The following GREB1 variants were observed in gnomAD, a reference collection of about 807,000 sequenced individuals.
GREB1 encodes protein GREB1.
In GREB1, 106 loss-of-function variants were observed where a neutral mutation model predicts 200.7. The observed-to-expected ratio is 0.53, with a 90% CI of 0.45 to 0.62. GREB1 has a LOEUF of 0.62. Ranked by LOEUF, GREB1 falls within the 20% of genes least tolerant of loss-of-function variation. The probability of loss-of-function intolerance (pLI) is 0.00; values close to 1 mark genes in which losing one functional copy is unlikely to be tolerated. For missense variants in GREB1, 2,243 were observed against 2,556.8 expected, an observed-to-expected ratio of 0.88 and a Z score of 2.65; for synonymous variants, 1,132 against 1,092.4, an observed-to-expected ratio of 1.04 and a Z score of -0.72.
At chr2:11,488,350 A>G (rs1672702892) in intron 1 of GREB1, among the ~76,000 whole-genome samples, 1 of 152,184 alleles carries the variant, frequency 6.6e-6, no homozygotes, top group South Asian at 2.1e-4. Flanking sequence ...AACCTCCTGG[A>G]AAGTGCGCAT....
chr2:11,512,346 A>G (rs1431070802), intron 1 of GREB1, among the ~76,000 whole-genome samples: 1 of 152,244 alleles, frequency 6.6e-6, no homozygotes, highest in Non-Finnish European at 1.5e-5. Context: ...CTGAAGTAGA[A>G]AATTTTTTTA....
chr2:11,634,564 A>T (rs912469293), intron 29 of GREB1, among the ~76,000 whole-genome samples: 20 of 152,222 alleles, frequency 1.3e-4, no homozygotes, highest in Non-Finnish European at 2.6e-4. Context: ...TGAGTGAGTT[A>T]TATTGGACTG....
At chr2:11,534,705 G>A (rs1572605528) in intron 1 of GREB1, among the ~76,000 whole-genome samples, 1 of 152,198 alleles carries the variant, frequency 6.6e-6, no homozygotes, top group South Asian at 2.1e-4. Flanking sequence ...GTCTTCCTGA[G>A]GATGGTAATT....
Position 11,631,901 on chromosome 2 carries a change from CT to C in GREB1, c.4612-5del. The C allele has an allele frequency of 6.2e-7, 1 of 1,607,698 alleles. No homozygotes were observed. Among genetic ancestry groups the C allele is most frequent in the Non-Finnish European group, 8.5e-7 (1 of 1,174,552 alleles). On this transcript the variant is annotated splice_region_variant and splice_polypyrimidine_tract_variant and intron_variant, in intron 26 of 32. Coordinates refer to ENST00000381486, the MANE Select transcript of GREB1 (RefSeq NM_014668.4). The stretch of plus-strand genomic sequence containing the variant: ...AACACTCTACCTCATGATACCTGTA[CT>C]TTGCAGAGCCATGAATATATAAAAA...
At chr2:11,486,475 G>A (rs1371304209) in intron 1 of GREB1, among the ~76,000 whole-genome samples, 2 of 151,942 alleles carry the variant, frequency 1.3e-5, no homozygotes, top group African/African-American at 2.4e-5. Context: ...AAAGCTAATT[G>A]CACTAAAAAG....
chr2:11,627,362 CA>C (rs754012256), intron 25 of GREB1, among the ~76,000 whole-genome samples: 1 of 152,172 alleles, frequency 6.6e-6, no homozygotes, highest in Non-Finnish European at 1.5e-5. Flanking sequence ...CTTTAGGTCC[CA>C]ATGCTTTCAG....
At position 11,632,068 on chromosome 2, in the gene GREB1, C is replaced by T; in HGVS notation, c.4771C>T (p.His1591Tyr). 1 of 1,614,044 alleles carries T rather than the reference C, an allele frequency of 6.2e-7. No individual in the cohort carries two copies. Among genetic ancestry groups the T allele is most frequent in the African/African-American group, 1.3e-5 (1 of 75,014 alleles). ...MAIYKKYWPN[H>Y]IMLVLPSIFN... ...AATTTATAAGAAATATTGGCCCAAC[C>T]ACATCATGCTGGTGCTCCCCAGTAT... Residue 1591 changes from histidine (H) to tyrosine (Y), a missense_variant, in exon 27 of 33, where the codon CAC becomes TAC. His to Tyr is a moderately conservative substitution (Grantham distance 83). This residue lies in a region of GREB1 where 478 missense variants were observed against 616.3 expected (regional missense o/e 0.78). Coordinates refer to ENST00000381486, the MANE Select transcript of GREB1 (RefSeq NM_014668.4).
chr2:11,502,394 T>C (rs1171557398), intron 1 of GREB1, among the ~76,000 whole-genome samples: 2 of 150,966 alleles, frequency 1.3e-5, no homozygotes, highest in East Asian at 3.9e-4. Flanking sequence ...CTAATTTTTT[T>C]TTTTTTTTGT....
chr2:11,599,687 A>AT (rs1473044544), intron 15 of GREB1, among the ~76,000 whole-genome samples: 2 of 151,696 alleles, frequency 1.3e-5, no homozygotes, highest in Non-Finnish European at 2.9e-5. Flanking sequence ...CACCTGGCTA[A>AT]TTTTTTGTAT....
At chr2:11,539,032 T>TCTTCTCCTCCTTTCTCCCTTCTCCTCC (rs1558512764) in intron 1 of GREB1, among the ~76,000 whole-genome samples, 9 of 40,732 alleles carry the variant, frequency 2.2e-4, no homozygotes, top group African/African-American at 3.9e-4. Flanking sequence ...TCTTCTCTTC[T>TCTTCTCCTCCTTTCTCCCTTCTCCTCC]CTTCTCTTCT....
In GREB1 at chr2:11,512,710, C is replaced by A. The variant is rs980952851; in HGVS notation, c.-159+30329C>A. ...ACCAAGCCTCACTTTCCCTGTGTGA[C>A]AAAGAGGATAAGACCTCTTGTCTCA... On this transcript the variant is annotated intron_variant, in intron 1 of 2. Coordinates refer to the GREB1 transcript ENST00000628795. 1.1e-4 allele frequency among the ~76,000 whole-genome samples: 16 copies of A among 152,190 alleles called. 1 individual carries two copies. The highest frequency in any genetic ancestry group is 9.8e-4 in the Admixed American group (15 of 15,280).
chr2:11,634,169 A>G lies in GREB1; in HGVS notation c.5030A>G (p.His1677Arg), dbSNP rs987647023. The change falls in exon 29 of 33, where the codon CAC becomes CGC. Residue 1677 changes from histidine to arginine, a missense_variant. Coordinates refer to ENST00000381486, the MANE Select transcript of GREB1 (RefSeq NM_014668.4). ...TCGGAAAGGAACGTGTCTTTGAAGC[A>G]CATCATGCAGCACATCGAGGCGGCC... ...SWSERNVSLK[H>R]IMQHIEAAPD... The G allele has an allele frequency of 6.2e-7, 1 of 1,614,210 alleles. No individual in the cohort carries two copies. Among genetic ancestry groups the G allele is most frequent in the Non-Finnish European group, 8.5e-7 (1 of 1,180,032 alleles).
At chr2:11,553,867 G>C (rs534999511) in intron 1 of GREB1, among the ~76,000 whole-genome samples, 53 of 152,194 alleles carry the variant, frequency 3.5e-4, no homozygotes, top group Non-Finnish European at 1.3e-4. Context: ...TGGATGCCCC[G>C]ATGTGTTCTT....
chr2:11,610,793 G>A lies in GREB1; in HGVS notation c.2772G>A (p.Thr924=), dbSNP rs373441174. 56 of 1,613,584 alleles carry A rather than the reference G, an allele frequency of 3.5e-5. No homozygotes were observed. The highest frequency in any genetic ancestry group is 4.2e-5 in the Non-Finnish European group (50 of 1,180,012). The change falls in exon 18 of 33, where the codon ACG becomes ACA. Residue 924 remains threonine (T), a synonymous_variant. Coordinates refer to ENST00000381486, the MANE Select transcript of GREB1 (RefSeq NM_014668.4). ...VSGLPQMKNY[T]SVETLEITQN... is the part of the protein sequence containing the mutation. Reference sequence around the variant, plus strand: ...GCCTCCCGCAGATGAAGAACTACACGTCGGTGGAGACGCTGGAGATCACGC... The same window carrying A: ...GCCTCCCGCAGATGAAGAACTACACATCGGTGGAGACGCTGGAGATCACGC...
At chr2:11,622,146 TC>T (rs1229697857) in intron 23 of GREB1, among the ~76,000 whole-genome samples, 1 of 152,210 alleles carries the variant, frequency 6.6e-6, no homozygotes, top group African/African-American at 2.4e-5. Context: ...AGTGGCACCA[TC>T]TCGGCTCATT....
intron 1 of GREB1, among the ~76,000 whole-genome samples, chr2:11,488,732 A>G (rs1293402140): frequency 2.7e-5 from 4 of 150,222 alleles, no homozygotes; most frequent in African/African-American, 9.8e-5. Flanking sequence ...TGGAGGTTGC[A>G]GTGAGCCGAG....
chr2:11,585,074 A>G, intron 7 of GREB1, 87 bp from the exon 8 acceptor site: 2 of 646,896 alleles, frequency 3.1e-6, no homozygotes, highest in Non-Finnish European at 4.9e-6. Context: ...ACAAAACAAA[A>G]CAGATCATTG....
At position 11,542,245 on chromosome 2, in the gene GREB1, C is replaced by T. The variant is rs79839925; in HGVS notation, c.-162+7991C>T. ...GAAGAGGAAAGTTCTTTGCTTCTCA[C>T]AGGGCAGGCATAGAACAGGCCAGAA... On this transcript the variant is annotated intron_variant, in intron 1 of 32. Coordinates refer to ENST00000381486, the MANE Select transcript of GREB1 (RefSeq NM_014668.4). Among the ~76,000 whole-genome samples, 1,002 of 152,306 alleles carry T rather than the reference C, an allele frequency of 6.6e-3. 7 individuals are homozygous for T. Among genetic ancestry groups the T allele is most frequent in the African/African-American group, 0.023 (939 of 41,548 alleles).
At chr2:11,526,847 C>T (rs578081158) in intron 1 of GREB1, among the ~76,000 whole-genome samples, 34 of 152,250 alleles carry the variant, frequency 2.2e-4, no homozygotes, top group East Asian at 9.7e-4. Flanking sequence ...CATGAGCCAC[C>T]GCTCCCGGCT....
Sources: allele counts gnomAD v4.1 joint callset (sites outside exome capture counted in the v4.1 genomes callset), GRCh38; gene constraint gnomAD v4.1.1; regional missense constraint gnomAD v4.1.1; transcripts MANE v1.5; gene names NCBI Gene and HGNC (gene_info 2026-07-23, HGNC 2026-07-21).